IMMP1L: variants seen among roughly 807,000 people sequenced by gnomAD.
The protein encoded by IMMP1L is mitochondrial inner membrane protease subunit 1.
A neutral mutation model predicts 21.8 loss-of-function variants in IMMP1L; 24 were observed. That is an observed-to-expected ratio of 1.10 (90% CI 0.80 to 1.55). IMMP1L has a LOEUF of 1.55. IMMP1L is among the 40% of genes most tolerant of loss of function. IMMP1L has a pLI of 0.00. For synonymous variants in IMMP1L, 46 were observed against 62.8 expected, an observed-to-expected ratio of 0.73 and a Z score of 1.26; for missense variants, 195 against 200.7, an observed-to-expected ratio of 0.97 and a Z score of 0.17.
chr11:31,457,588 T>C (rs779132885), intron 3 of IMMP1L, among the ~76,000 whole-genome samples: 12 of 152,316 alleles, frequency 7.9e-5, no homozygotes, highest in Middle Eastern at 3.4e-3. Flanking sequence ...AACTGCTCTA[T>C]AGAAGCATTA....
rs530849677 is a variant in IMMP1L at position 31,480,505 on chromosome 11, T to C, written c.-29-17200A>G. ...AGTCTATCTTTGTCACACACTGGAA[T>C]ATGATTTTAATATAAACATGTTCTT... On this transcript the variant is annotated intron_variant, in intron 1 of 5. Coordinates refer to ENST00000532287, the MANE Select transcript of IMMP1L (RefSeq NM_001304274.2). 3.3e-5 allele frequency among the ~76,000 whole-genome samples: 5 copies of C among 152,182 alleles called. No individual in the cohort carries two copies. In the South Asian group the frequency reaches 1.0e-3, roughly 32 times the overall value.
chr11:31,499,366 A>AAAAACAAAACAAAACAAAACAAAAC (rs144325871), intron 1 of IMMP1L, among the ~76,000 whole-genome samples: 18 of 150,658 alleles, frequency 1.2e-4, no homozygotes, highest in African/African-American at 4.2e-4. Context: ...CTCCGTATCA[A>AAAAACAAAACAAAACAAAACAAAAC]AAAACAAAAC....
intron 4 of IMMP1L, among the ~76,000 whole-genome samples, chr11:31,442,587 T>C (rs1387996789): frequency 6.6e-6 from 1 of 152,236 alleles, no homozygotes; most frequent in Non-Finnish European, 1.5e-5. Context: ...TTATTTGCCA[T>C]ATATTTTATA....
intron 4 of IMMP1L, among the ~76,000 whole-genome samples, chr11:31,436,015 ATAT>A (rs904318967): frequency 9.9e-5 from 15 of 151,432 alleles, no homozygotes; most frequent in Non-Finnish European, 1.5e-5. Context: ...GCAGTGTCAA[ATAT>A]TATTCTGTGT....
intron 4 of IMMP1L, chr11:31,433,809 ATTAAT>A (rs1953013833): frequency 5.6e-6 from 2 of 354,282 alleles, no homozygotes; most frequent in Admixed American, 4.5e-5. Context: ...GTTCCCAAAT[ATTAAT>A]TTGTTATACA....
intron 1 of IMMP1L, among the ~76,000 whole-genome samples, chr11:31,503,850 GAGAA>G (rs940969214): frequency 3.9e-5 from 6 of 152,176 alleles, no homozygotes; most frequent in African/African-American, 1.4e-4. Flanking sequence ...CAAATTCTGA[GAGAA>G]AGAAAGCCAG....
chr11:31,508,710 T>G (rs910090063), intron 1 of IMMP1L, among the ~76,000 whole-genome samples: 16 of 152,178 alleles, frequency 1.1e-4, no homozygotes, highest in Non-Finnish European at 2.9e-5. Context: ...AGTCAATAAC[T>G]CAGTAGTGCG....
Position 31,474,141 on chromosome 11 carries a change from T to C in IMMP1L, c.-29-10836A>G, listed in dbSNP as rs557166832. Among the ~76,000 whole-genome samples the C allele has an allele frequency of 2.0e-5, 3 of 152,304 alleles. No individual in the cohort carries two copies. In the South Asian group the frequency reaches 6.2e-4, roughly 32 times the overall value. ...AGAAAAAATAGTAGATTTTGACATT[T>C]CTGAGACCTTGGAGATGTTCAAAGT... On this transcript the variant is annotated intron_variant, in intron 1 of 5. Transcript: ENST00000532287.
At chr11:31,435,692 T>C (rs2133536395) in intron 4 of IMMP1L, among the ~76,000 whole-genome samples, 1 of 152,328 alleles carries the variant, frequency 6.6e-6, no homozygotes, top group Middle Eastern at 3.4e-3. Context: ...ATTTGGCTAC[T>C]GGATTGATCT....
intron 1 of IMMP1L, among the ~76,000 whole-genome samples, chr11:31,492,981 T>C (rs1318796001): frequency 6.6e-6 from 1 of 152,136 alleles, no homozygotes; most frequent in Non-Finnish European, 1.5e-5. Flanking sequence ...GCATGTACTG[T>C]TGGAAAAATG....
In IMMP1L at chr11:31,463,255, T is replaced by C; in HGVS notation, c.22A>G (p.Lys8Glu). 1 of 1,612,606 alleles carries C rather than the reference T, an allele frequency of 6.2e-7. No individual in the cohort carries two copies. The highest frequency in any genetic ancestry group is 1.1e-5 in the South Asian group (1 of 90,764). MLRGVLG[K>E]TFRLVGYTIQ... ...GTATAGCCAACAAGTCGAAAGGTTT[T>C]CCCCAGAACACCACGAAGCATAGTT... The change falls in exon 2 of 6, where the codon AAA becomes GAA. Residue 8 changes from lysine to glutamate, a missense_variant. Transcript: ENST00000532287.
In IMMP1L at chr11:31,432,448, A is replaced by G. The variant is rs112425538; in HGVS notation, c.*52T>C. 8.9e-4 allele frequency: 1,134 copies of G among 1,268,274 alleles called. 12 individuals are homozygous for G. In the African/African-American group the frequency reaches 0.014, roughly 16 times the overall value. 78.6% of individuals were successfully genotyped at this position (1,268,274 alleles called of 1,614,324 possible). On this transcript the variant is annotated 3_prime_UTR_variant, in exon 6 of 6. Coordinates refer to ENST00000532287, the MANE Select transcript of IMMP1L (RefSeq NM_001304274.2). ...TAAGTACACGGTTTCAACGGGAGTA[A>G]TAAATTCACATGAAAAGGAGACAAT...
chr11:31,462,188 G>A (rs920857548), intron 2 of IMMP1L, among the ~76,000 whole-genome samples: 5 of 151,764 alleles, frequency 3.3e-5, no homozygotes, highest in Non-Finnish European at 5.9e-5. Context: ...GGTGATGTGC[G>A]CCTGTAGTCC....
chr11:31,439,175 T>C (rs775929661), intron 4 of IMMP1L, among the ~76,000 whole-genome samples: 2 of 152,162 alleles, frequency 1.3e-5, no homozygotes, highest in African/African-American at 4.8e-5. Context: ...TTGGACAAAA[T>C]TGGAAAAAAA....
At chr11:31,492,196 T>C (rs1238940000) in intron 1 of IMMP1L, among the ~76,000 whole-genome samples, 1 of 152,224 alleles carries the variant, frequency 6.6e-6, no homozygotes, top group Admixed American at 6.5e-5. Flanking sequence ...TACCCACCTA[T>C]ATCAACTATC....
In IMMP1L at chr11:31,463,296, C is replaced by T. The variant is rs1954215801; in HGVS notation, c.-20G>A. 1 of 1,575,266 alleles carries T rather than the reference C, an allele frequency of 6.3e-7. No homozygotes were observed. ...AAGCATAGTTCTATGTAGACTCTGC[C>T]ACCATTGGCCTGATGGTAAATTTCA... On this transcript the variant is annotated 5_prime_UTR_variant, in exon 2 of 6. Coordinates refer to ENST00000532287, the MANE Select transcript of IMMP1L (RefSeq NM_001304274.2).
intron 3 of IMMP1L, among the ~76,000 whole-genome samples, chr11:31,458,325 T>C (rs955731723): frequency 1.4e-4 from 22 of 152,120 alleles, no homozygotes; most frequent in Admixed American, 4.6e-4. Flanking sequence ...ATCCTTATTA[T>C]TCTACTACAC....
At chr11:31,437,857 A>T (rs1953179552) in intron 4 of IMMP1L, among the ~76,000 whole-genome samples, 1 of 152,050 alleles carries the variant, frequency 6.6e-6, no homozygotes, top group Non-Finnish European at 1.5e-5. Context: ...CAAAGTACCT[A>T]TTTTGTGTCT....
At chr11:31,460,270 G>A (rs1009526073) in intron 3 of IMMP1L, among the ~76,000 whole-genome samples, 1 of 152,078 alleles carries the variant, frequency 6.6e-6, no homozygotes, top group Non-Finnish European at 1.5e-5. Context: ...TAAAATTAAA[G>A]AACAAAAACA....
Sources: gnomAD v4.1 joint callset for allele counts (sites outside exome capture counted in the v4.1 genomes callset) on GRCh38, gnomAD v4.1.1 for gene constraint, MANE v1.5 for transcripts, NCBI Gene and HGNC (gene_info 2026-07-23, HGNC 2026-07-21) for gene names.